The following ACO2 variants were observed in gnomAD, a reference collection of about 807,000 sequenced individuals.
ACO2 encodes aconitate hydratase, mitochondrial.
ACO2 carries 31 observed loss-of-function variants against 84.5 expected under a neutral mutation model. That is an observed-to-expected ratio of 0.37 (90% CI 0.28 to 0.50). The LOEUF is 0.50. Ranked by LOEUF, ACO2 falls within the 20% of genes least tolerant of loss-of-function variation. The pLI, the probability that ACO2 is intolerant of heterozygous loss-of-function variation, is 0.97. For missense variants in ACO2, 685 were observed against 1,029.3 expected, an observed-to-expected ratio of 0.67 and a Z score of 4.58; for synonymous variants, 414 against 412.7, an observed-to-expected ratio of 1.00 and a Z score of -0.04.
At chr22:41,495,496 T>C (rs1475380281) in intron 1 of ACO2, among the ~76,000 whole-genome samples, 1 of 152,088 alleles carries the variant, frequency 6.6e-6, no homozygotes, top group East Asian at 1.9e-4. Flanking sequence ...AAGTAGTCTG[T>C]AGTTTGCTTA....
Position 41,523,981 on chromosome 22 carries a change from T to TG in ACO2, c.1482+45dup, listed in dbSNP as rs757360925. ...CTGCGCACAAGCCTGGGATGGCCTC[T>TG]GGGGGTCCCTGGCGGGTCAGAGGAG... On this transcript the variant is annotated intron_variant, in intron 12 of 17. Transcript: ENST00000216254. 15 of 1,577,364 alleles carry TG rather than the reference T, an allele frequency of 9.5e-6. No individual in the cohort carries two copies. The East Asian group carries it at 2.7e-4, about 28-fold the overall frequency.
At chr22:41,512,851 T>C (rs1160292259) in intron 4 of ACO2, among the ~76,000 whole-genome samples, 1 of 152,198 alleles carries the variant, frequency 6.6e-6, no homozygotes, top group Non-Finnish European at 1.5e-5. Context: ...CTGACCTAGT[T>C]TGTGTCCATT....
At chr22:41,528,169 G>C (rs748386529) in intron 17 of ACO2, 147 bp downstream of exon 17, 1 of 1,282,592 alleles carries the variant, frequency 7.8e-7, no homozygotes, top group Non-Finnish European at 1.1e-6. Context: ...CACAGAGAAA[G>C]CAAAGTGGCT....
intron 16 of ACO2, chr22:41,527,685 T>C: frequency 2.5e-6 from 2 of 804,968 alleles, no homozygotes; most frequent in South Asian, 1.8e-5. Context: ...TGATCATGAA[T>C]GTGCAGCAGG....
At chr22:41,526,486 G>A in intron 15 of ACO2, 33 bp downstream of exon 15, 1 of 1,593,192 alleles carries the variant, frequency 6.3e-7, no homozygotes, top group Non-Finnish European at 8.6e-7. Flanking sequence ...AATGCCAGTG[G>A]TCACTCCTGA....
At chr22:41,498,832 G>A (rs2066333681) in intron 1 of ACO2, among the ~76,000 whole-genome samples, 1 of 152,212 alleles carries the variant, frequency 6.6e-6, no homozygotes, top group African/African-American at 2.4e-5. Context: ...GGTGGCTCAT[G>A]CCTGTAATCC....
chr22:41,498,698 G>C (rs2066332764), intron 1 of ACO2, among the ~76,000 whole-genome samples: 1 of 152,232 alleles, frequency 6.6e-6, no homozygotes, highest in Admixed American at 6.5e-5. Context: ...AAGAGAGAGA[G>C]CAAGCCAGGC....
intron 12 of ACO2, 117 bp from the exon 13 acceptor site, chr22:41,524,729 G>A (rs886799956): frequency 2.0e-6 from 3 of 1,505,776 alleles, no homozygotes; most frequent in African/African-American, 2.8e-5. Flanking sequence ...CAGGGGTCTG[G>A]GAAGAACATG....
At chr22:41,476,598 T>C (rs1265228370) in intron 1 of ACO2, among the ~76,000 whole-genome samples, 1 of 151,246 alleles carries the variant, frequency 6.6e-6, no homozygotes, top group Non-Finnish European at 1.5e-5. Flanking sequence ...TAGACCCAGC[T>C]ACTCGGGAGG....
At chr22:41,519,467 G>T (rs1257756073) in intron 8 of ACO2, among the ~76,000 whole-genome samples, 2 of 152,138 alleles carry the variant, frequency 1.3e-5, no homozygotes, top group Non-Finnish European at 2.9e-5. Context: ...ATTTACTGAT[G>T]ATTATGATAT....
chr22:41,526,685 A>T, intron 15 of ACO2: 2 of 483,452 alleles, frequency 4.1e-6, no homozygotes, highest in Non-Finnish European at 7.4e-6. Flanking sequence ...TTAGTGAGAG[A>T]TATCTTAGGA....
At chr22:41,512,219 T>C (rs1019705291) in intron 4 of ACO2, 1 of 429,258 alleles carries the variant, frequency 2.3e-6, no homozygotes. Flanking sequence ...AAGTGCGACA[T>C]GTTTCTTTCC....
intron 2 of ACO2, among the ~76,000 whole-genome samples, chr22:41,505,550 A>G (rs943419791): frequency 3.3e-5 from 5 of 152,182 alleles, no homozygotes; most frequent in African/African-American, 1.2e-4. Context: ...GTAGGGCCAC[A>G]CTGCTGCCTC....
chr22:41,526,763 G>C (rs895506576), intron 15 of ACO2: 2 of 366,240 alleles, frequency 5.5e-6, no homozygotes, highest in Admixed American at 4.2e-5. Context: ...AGCTCAGAGA[G>C]GGGGCTACAC....
rs184501012 is a variant in ACO2 at position 41,507,729 on chromosome 22, G to A, written c.174-62G>A. 1.4e-4 allele frequency: 213 copies of A among 1,563,796 alleles called. 1 individual carries two copies. In the African/African-American group the frequency reaches 2.6e-3, roughly 19 times the overall value. On this transcript the variant is annotated intron_variant, in intron 2 of 17. Transcript: ENST00000216254. ...GTTGCCACATGGACTGAGAGGGAGA[G>A]GCAGGGCGGGAGGAGGCCGTGCAGC...
At chr22:41,528,200 G>C in intron 17 of ACO2, 178 bp downstream of exon 17, 1 of 1,015,390 alleles carries the variant, frequency 9.8e-7, no homozygotes, top group African/African-American at 1.6e-5. Flanking sequence ...GGGGGTTGGA[G>C]TCAACCCGGG....
chr22:41,520,112 C>A, intron 8 of ACO2, 59 bp from the exon 9 acceptor site: 1 of 1,467,446 alleles, frequency 6.8e-7, no homozygotes, highest in Non-Finnish European at 9.5e-7. Context: ...AAGAGGCTGT[C>A]CCCGCTTCAA....
intron 2 of ACO2, among the ~76,000 whole-genome samples, chr22:41,501,340 A>G (rs1490296565): frequency 1.3e-5 from 2 of 151,926 alleles, no homozygotes; most frequent in East Asian, 3.9e-4. Flanking sequence ...TCTGGACCTC[A>G]TTTTCCTCAC....
intron 1 of ACO2, among the ~76,000 whole-genome samples, chr22:41,470,089 C>T (rs1240687348): frequency 2.6e-5 from 4 of 152,182 alleles, no homozygotes. Flanking sequence ...GACCTTGACT[C>T]CCCTGTTAGG....
Sources: allele counts gnomAD v4.1 joint callset (sites outside exome capture counted in the v4.1 genomes callset), GRCh38; gene constraint gnomAD v4.1.1; transcripts MANE v1.5; gene names NCBI Gene and HGNC (gene_info 2026-07-23, HGNC 2026-07-21).